The following ATP7A variants were observed in gnomAD, a reference collection of about 807,000 sequenced individuals.
ATP7A encodes the protein copper-transporting ATPase 1.
Under a neutral mutation model 83.5 loss-of-function variants are expected in ATP7A, and 7 were observed. The ratio of observed to expected loss-of-function variants is 0.08; its 90% confidence interval spans 0.05 to 0.16. The LOEUF (loss-of-function observed/expected upper bound fraction) is 0.16. Among genes scored for constraint, ATP7A ranks in the 10% least tolerant of loss-of-function variants. ATP7A has a pLI of 1.00. For synonymous variants in ATP7A, 354 were observed against 395.2 expected, an observed-to-expected ratio of 0.90 and a Z score of 1.24; for missense variants, 940 against 1,120.8, an observed-to-expected ratio of 0.84 and a Z score of 2.30.
At chrX:77,949,379 A>AC (rs1415815358) in intron 1 of ATP7A, among the ~76,000 whole-genome samples, 1 of 111,090 alleles carries the variant, frequency 9.0e-6, no homozygotes, top group South Asian at 3.8e-4. Flanking sequence ...TTTTATTATT[A>AC]CCCCCCAATC....
Position 78,014,713 on chromosome X carries a change from G to A in ATP7A, c.2458G>A (p.Ala820Thr). The part of the protein sequence containing the change: ...AKLISLQATE[A>T]TIVTLDSDNI... ...GTTAATTTCACTACAAGCTACAGAAGCAACTATTGTAACTCTTGATTCTGA... is the reference window on the plus strand; with the variant it reads ...GTTAATTTCACTACAAGCTACAGAAACAACTATTGTAACTCTTGATTCTGA... The change falls in exon 11 of 23, where the codon GCA becomes ACA. Residue 820 changes from alanine (A) to threonine (T), a missense_variant. Around this residue, in one of 3 missense-constraint regions of ATP7A, gnomAD observed 204 missense variants for 185.8 expected, o/e 1.10. Transcript: ENST00000341514. 1 of 1,207,456 alleles carries A rather than the reference G, an allele frequency of 8.3e-7. No homozygotes were observed. Among genetic ancestry groups the A allele is most frequent in the Non-Finnish European group, 1.1e-6 (1 of 892,378 alleles).
intron 1 of ATP7A, among the ~76,000 whole-genome samples, chrX:77,932,361 G>A (rs1557224578): frequency 9.2e-6 from 1 of 108,155 alleles, no homozygotes; most frequent in Admixed American, 9.8e-5. Flanking sequence ...GCCGGGAAGA[G>A]GCGCTCCTCA....
chrX:77,934,535 C>T (rs1438788624), intron 1 of ATP7A, among the ~76,000 whole-genome samples: 2 of 111,578 alleles, frequency 1.8e-5, no homozygotes, highest in African/African-American at 3.3e-5. Flanking sequence ...TATGAATGCA[C>T]GCAGGTACAT....
intron 9 of ATP7A, 29 bp downstream of exon 9, chrX:78,011,703 TTAA>T (rs781954889): frequency 2.5e-6 from 3 of 1,182,885 alleles, no homozygotes; most frequent in Non-Finnish European, 3.4e-6. Flanking sequence ...AATATATTTG[TTAA>T]TAATAAAAAA....
intron 1 of ATP7A, among the ~76,000 whole-genome samples, chrX:77,930,351 A>G (rs1056574985): frequency 4.5e-5 from 5 of 111,901 alleles, no homozygotes; most frequent in Non-Finnish European, 9.4e-5. Flanking sequence ...GGTTGAGAAC[A>G]GGGAAATTCA....
chrX:77,962,848 G>A (rs782385868), intron 1 of ATP7A: 6 of 375,505 alleles, frequency 1.6e-5, no homozygotes, highest in East Asian at 7.6e-5. Context: ...AAAACATGAC[G>A]GGACCTCTTG....
rs782663000 is a variant in ATP7A, at chrX:77,969,682, T to C, written c.-21-1939T>C. On this transcript the variant is annotated intron_variant, in intron 1 of 22. Coordinates refer to ENST00000341514, the MANE Select transcript of ATP7A (RefSeq NM_000052.7). ...TTTTTATACCATTTGAAGTAAAAGG[T>C]ACAAAAGGTTATACGCTGAAAATTC... 7 of 1,199,345 alleles carry C rather than the reference T, an allele frequency of 5.8e-6. No individual in the cohort carries two copies. In the African/African-American group the frequency reaches 1.2e-4, roughly 21 times the overall value.
intron 1 of ATP7A, among the ~76,000 whole-genome samples, chrX:77,956,039 A>T (rs1246356208): frequency 9.0e-6 from 1 of 110,935 alleles, no homozygotes; most frequent in Non-Finnish European, 1.9e-5. Flanking sequence ...TTATGCATTT[A>T]TCCATTGTCG....
intron 1 of ATP7A, chrX:77,963,027 G>T: frequency 4.9e-6 from 1 of 204,924 alleles, no homozygotes; most frequent in Non-Finnish European, 9.2e-6. Context: ...AGTTTTTCTT[G>T]GTTTTCTTGA....
intron 13 of ATP7A, 26 bp from the exon 14 acceptor site, chrX:78,020,919 A>C (rs200992958): frequency 3.1e-4 from 366 of 1,189,531 alleles, no homozygotes; most frequent in African/African-American, 7.6e-4. Flanking sequence ...TCTTCTTCTT[A>C]TTATTGTTGT....
intron 1 of ATP7A, among the ~76,000 whole-genome samples, chrX:77,928,013 TCA>T (rs1557223796): frequency 9.0e-6 from 1 of 110,748 alleles, no homozygotes; most frequent in Non-Finnish European, 1.9e-5. Flanking sequence ...TCTCACTCTG[TCA>T]CCCAGACTGG....
intron 1 of ATP7A, among the ~76,000 whole-genome samples, chrX:77,926,594 G>T (rs1302765765): frequency 8.9e-6 from 1 of 112,163 alleles, no homozygotes; most frequent in East Asian, 2.8e-4. Flanking sequence ...GCCTCCCAAA[G>T]TGCTGGGATT....
Position 77,985,652 on chromosome X carries a change from T to C in ATP7A, c.121-2590T>C, listed in dbSNP as rs782627510. 1.6e-4 allele frequency among the ~76,000 whole-genome samples: 18 copies of C among 111,364 alleles called. 1 individual carries two copies. The East Asian group carries it at 3.1e-3, about 19-fold the overall frequency. On this transcript the variant is annotated intron_variant, in intron 2 of 22. Transcript: ENST00000341514. ...TTTTTAATCTTATTTAATAGTTTTTTTTGTTTTAAAAAATAATCATCTAGT... is the reference window on the plus strand; with the variant it reads ...TTTTTAATCTTATTTAATAGTTTTTCTTGTTTTAAAAAATAATCATCTAGT...
intron 19 of ATP7A, among the ~76,000 whole-genome samples, chrX:78,042,240 A>T (rs2078054456): frequency 9.0e-6 from 1 of 111,720 alleles, no homozygotes; most frequent in Non-Finnish European, 1.9e-5. Flanking sequence ...TGGTTTTGAA[A>T]ATTTTCTTTT....
chrX:77,969,677 A>G, intron 1 of ATP7A: 1 of 1,199,480 alleles, frequency 8.3e-7, no homozygotes, highest in Non-Finnish European at 1.1e-6. Context: ...ATTTGAAGTA[A>G]AAGGTACAAA....
intron 1 of ATP7A, among the ~76,000 whole-genome samples, chrX:77,933,062 T>C (rs1030974551): frequency 1.7e-4 from 19 of 112,365 alleles, no homozygotes; most frequent in African/African-American, 5.8e-4. Flanking sequence ...CTCAAGCTGC[T>C]GGAATGACAG....
At chrX:77,979,836 C>T (rs2077595274) in intron 2 of ATP7A, among the ~76,000 whole-genome samples, 1 of 112,360 alleles carries the variant, frequency 8.9e-6, no homozygotes, top group African/African-American at 3.2e-5. Context: ...AATTTAAATG[C>T]ATTTTGGGAA....
chrX:77,969,657 T>G, intron 1 of ATP7A: 1 of 1,210,133 alleles, frequency 8.3e-7, no homozygotes, highest in Non-Finnish European at 1.1e-6. Context: ...GCTGCAATAC[T>G]TTTTATACCA....
At chrX:78,010,672 T>G (rs1434388102) in intron 7 of ATP7A, among the ~76,000 whole-genome samples, 1 of 94,911 alleles carries the variant, frequency 1.1e-5, no homozygotes, top group Admixed American at 1.3e-4. Context: ...CTCCGCCTCC[T>G]GGGTTCAAGC....
Sources: gnomAD v4.1 joint callset for allele counts (sites outside exome capture counted in the v4.1 genomes callset) on GRCh38, gnomAD v4.1.1 for gene constraint, gnomAD v4.1.1 regional missense constraint, MANE v1.5 for transcripts, NCBI Gene and HGNC (gene_info 2026-07-23, HGNC 2026-07-21) for gene names.